Variants in GAK observed in about 807,000 individuals in gnomAD.
GAK encodes cyclin G associated kinase, also known as cyclin-G-associated kinase.
In GAK, 79 loss-of-function variants were observed where a neutral mutation model predicts 143.9. That is an observed-to-expected ratio of 0.55 (90% CI 0.46 to 0.66). The LOEUF is 0.66. Ranked by LOEUF, GAK falls within the 30% of genes least tolerant of loss-of-function variation. The pLI is 0.00. For missense variants in GAK, 1,693 were observed against 1,779.7 expected, an observed-to-expected ratio of 0.95 and a Z score of 0.88; for synonymous variants, 881 against 765.5, an observed-to-expected ratio of 1.15 and a Z score of -2.49.
In GAK at chr4:882,817, G is replaced by C. The variant is rs1276785956; in HGVS notation, c.1407C>G (p.Val469=). ...GCCGTGCTGCCCAGCCACACTCGGA[G>C]ACCTGTGGGGACAGGGCACGGTGGC... ...TYRPSRFHNR[V]SECGWAARRA... Residue 469 remains valine (V), a splice_region_variant and synonymous_variant, in exon 14 of 28, where the codon GTC becomes GTG. Transcript: ENST00000314167. 1 of 1,609,260 alleles carries C rather than the reference G, an allele frequency of 6.2e-7. No homozygotes were observed. Among genetic ancestry groups the C allele is most frequent in the Non-Finnish European group, 8.5e-7 (1 of 1,179,760 alleles).
chr4:906,809 C>T (rs1239170937), intron 4 of GAK, among the ~76,000 whole-genome samples: 1 of 152,200 alleles, frequency 6.6e-6, no homozygotes, highest in Non-Finnish European at 1.5e-5. Context: ...CACTCAGGGT[C>T]TCCCCCACGC....
At chr4:896,340 G>A (rs1198501218) in intron 7 of GAK, 120 bp downstream of exon 7, 7 of 726,484 alleles carry the variant, frequency 9.6e-6, no homozygotes, top group East Asian at 7.8e-5. Flanking sequence ...GGGGACGGGA[G>A]GGGAAGAGGG....
intron 1 of GAK, among the ~76,000 whole-genome samples, chr4:919,016 C>T (rs1247139047): frequency 1.0e-5 from 1 of 97,128 alleles, no homozygotes; most frequent in African/African-American, 3.8e-5. Context: ...CCAAAGGCCT[C>T]AGTGCCGCAT....
In GAK at chr4:851,835, G is replaced by C. The variant is rs1400987509; in HGVS notation, c.3423C>G (p.Ala1141=). 1 of 1,609,652 alleles carries C rather than the reference G, an allele frequency of 6.2e-7. No homozygotes were observed. The highest frequency in any genetic ancestry group is 1.3e-5 in the African/African-American group (1 of 74,828). ...CATAGTTAGGCCTTGGCTGTGTGCA[G>C]GCTTTGGGGGGCGGCTTGGCCTGAG... is the stretch of plus-strand genomic sequence containing the variant. ...WPPQAKPPPK[A]CTQPRPNYAS... is the part of the protein sequence containing the mutation. Residue 1141 remains alanine, a synonymous_variant, in exon 25 of 28, where the codon GCC becomes GCG. Transcript: ENST00000314167.
At chr4:931,118 G>A (rs1411325160) in intron 1 of GAK, among the ~76,000 whole-genome samples, 6 of 152,230 alleles carry the variant, frequency 3.9e-5, no homozygotes, top group Admixed American at 6.5e-5. Context: ...AAAAATGTAA[G>A]GAAAATCCAC....
Position 866,464 on chromosome 4 carries a change from GAA to G in GAK, c.2941_2942del (p.Phe981ArgfsTer104). The G allele has an allele frequency of 6.2e-7, 1 of 1,614,126 alleles. No homozygotes were observed. Among genetic ancestry groups the G allele is most frequent in the Non-Finnish European group, 8.5e-7 (1 of 1,179,976 alleles). On this transcript the variant is annotated frameshift_variant, in exon 22 of 28. Transcript: ENST00000314167. LOFTEE classifies it high-confidence loss of function. ...NSQPCSNPDL[F>X]GEFLNSDSVT... ...CAGAGTCCGAATTGAGAAATTCGCC[GAA>G]GAGATCAGGATTGGAGCAGGGCTGG...
At chr4:876,638 C>T (rs749355788) in intron 17 of GAK, 29 bp from the exon 18 acceptor site, 24 of 1,598,480 alleles carry the variant, frequency 1.5e-5, no homozygotes, top group Non-Finnish European at 1.7e-5. Context: ...CGACACCCCA[C>T]GTGGAGGGTG....
rs565940592 is a variant in GAK at position 884,348 on chromosome 4, C to T, written c.1206-262G>A. ...GCATGGGTGAGACAGGAGAGACATC[C>T]GCTGTCTGACTGCCCCTTCCCCTGC... On this transcript the variant is annotated intron_variant, in intron 11 of 27. Transcript: ENST00000314167. 1.1e-4 allele frequency: 53 copies of T among 485,820 alleles called. 1 individual carries two copies. Among genetic ancestry groups the T allele is most frequent in the South Asian group, 8.8e-4 (38 of 43,310 alleles). The allele number at this position is 485,820 out of a possible 1,614,324, so 30.1% of individuals were successfully genotyped here. A position where few individuals can be genotyped will look rare whatever the true frequency, so the allele number is the denominator to read the frequency against.
At chr4:913,238 T>G (rs532370525) in intron 2 of GAK, among the ~76,000 whole-genome samples, 1 of 152,368 alleles carries the variant, frequency 6.6e-6, no homozygotes, top group Admixed American at 6.5e-5. Flanking sequence ...CCTCCCACAG[T>G]GACCCCTATT....
At chr4:922,172 G>A (rs1287380400) in intron 1 of GAK, among the ~76,000 whole-genome samples, 1 of 152,126 alleles carries the variant, frequency 6.6e-6, no homozygotes, top group Non-Finnish European at 1.5e-5. Context: ...TAGGACTGGT[G>A]TCCTTATAAG....
chr4:919,893 G>C (rs1673197830), intron 1 of GAK, among the ~76,000 whole-genome samples: 2 of 152,236 alleles, frequency 1.3e-5, no homozygotes, highest in Admixed American at 1.3e-4. Flanking sequence ...GCTCATGCCT[G>C]TAATCCCAAA....
intron 9 of GAK, among the ~76,000 whole-genome samples, chr4:891,751 T>C (rs1021933414): frequency 6.6e-6 from 1 of 151,354 alleles, no homozygotes; most frequent in African/African-American, 2.4e-5. Context: ...TCCGGGGGAG[T>C]GGGCAGGCAT....
rs543004789 is a variant in GAK at position 867,035 on chromosome 4, G to C, written c.2793C>G (p.Ser931Arg). The change falls in exon 21 of 28, where the codon AGC (serine) becomes AGG (arginine). Residue 931 changes from serine (S) to arginine (R), a missense_variant. Ser to Arg is a moderately radical substitution (Grantham distance 110). This residue lies in a region of GAK where 822 missense variants were observed against 788.7 expected (regional missense o/e 1.04). Coordinates refer to ENST00000314167, the MANE Select transcript of GAK (RefSeq NM_005255.4). The part of the protein sequence containing the change: ...ASQGPPEDLL[S>R]EDPLLLASPA... ...GGCTTGCCAGGAGCAGCGGGTCCTCGCTGAGCAGATCCTCCGGGGGCCCCT... is the reference window on the plus strand; with the variant it reads ...GGCTTGCCAGGAGCAGCGGGTCCTCCCTGAGCAGATCCTCCGGGGGCCCCT... 5 of 1,513,848 alleles carry C rather than the reference G, an allele frequency of 3.3e-6. No individual in the cohort carries two copies. The East Asian group carries it at 1.2e-4, about 35-fold the overall frequency. 93.8% of individuals were successfully genotyped at this position (1,513,848 alleles called of 1,614,324 possible). A position where few individuals can be genotyped will look rare whatever the true frequency, so the allele number is the denominator to read the frequency against.
At chr4:922,816 A>T (rs766556963) in intron 1 of GAK, among the ~76,000 whole-genome samples, 17 of 152,256 alleles carry the variant, frequency 1.1e-4, no homozygotes, top group South Asian at 2.1e-4. Context: ...TTTATCCCAG[A>T]AATGAAAACG....
intron 22 of GAK, 31 bp from the exon 23 acceptor site, chr4:865,275 T>C (rs1750966442): frequency 6.2e-7 from 1 of 1,611,778 alleles, no homozygotes; most frequent in African/African-American, 1.3e-5. Context: ...GAGAGCACAG[T>C]TTGGTGTCTC....
chr4:931,723 C>G (rs1394244160), intron 1 of GAK, among the ~76,000 whole-genome samples: 1 of 152,112 alleles, frequency 6.6e-6, no homozygotes, highest in Non-Finnish European at 1.5e-5. Flanking sequence ...CCCCCACCCA[C>G]CCTGAGGGGG....
chr4:852,343 G>A (rs1748316010), intron 24 of GAK: 4 of 340,812 alleles, frequency 1.2e-5, no homozygotes, highest in South Asian at 3.3e-5. Flanking sequence ...GTCCACGGGG[G>A]TTGGGGCAGT....
intron 20 of GAK, 136 bp downstream of exon 20, chr4:868,403 C>T: frequency 4.1e-6 from 3 of 735,054 alleles, no homozygotes; most frequent in East Asian, 2.7e-5. Context: ...GCTGACATGC[C>T]GGGTGCACAG....
intron 23 of GAK, among the ~76,000 whole-genome samples, chr4:863,469 G>A (rs946785638): frequency 6.6e-6 from 1 of 152,168 alleles, no homozygotes; most frequent in South Asian, 2.1e-4. Flanking sequence ...GTGGGTAAAC[G>A]CTATCCAAGA....
Sources: gnomAD v4.1 joint callset for allele counts (sites outside exome capture counted in the v4.1 genomes callset) on GRCh38, gnomAD v4.1.1 for gene constraint, gnomAD v4.1.1 regional missense constraint, MANE v1.5 for transcripts, NCBI Gene and HGNC (gene_info 2026-07-23, HGNC 2026-07-21) for gene names.